Variants in SLA observed in about 807,000 individuals in gnomAD.
The protein encoded by SLA is Src like adaptor.
In SLA, 16 loss-of-function variants were observed where a neutral mutation model predicts 30.3. The ratio of observed to expected loss-of-function variants is 0.53; its 90% CI spans 0.36 to 0.80. The LOEUF is 0.80. Ranked by LOEUF, SLA falls within the 30% of genes least tolerant of loss-of-function variation. The pLI, the probability that SLA is intolerant of heterozygous loss-of-function variation, is 0.01. For synonymous variants in SLA, 143 were observed against 137.8 expected, an observed-to-expected ratio of 1.04 and a Z score of -0.26; for missense variants, 310 against 345.2, an observed-to-expected ratio of 0.90 and a Z score of 0.81.
At chr8:133,088,686 G>A (rs1847001743) in intron 1 of SLA, among the ~76,000 whole-genome samples, 1 of 152,112 alleles carries the variant, frequency 6.6e-6, no homozygotes, top group Non-Finnish European at 1.5e-5. Context: ...CATTCACTAG[G>A]CCTTCTTCAA....
chr8:133,093,408 G>A (rs4736629), intron 1 of SLA, among the ~76,000 whole-genome samples: 108,634 of 151,680 alleles, frequency 0.72, 39,312 homozygotes, highest in Non-Finnish European at 0.75. Context: ...TGGAGATCAC[G>A]TAGCCCAGGA....
Sources: gnomAD v4.1 joint callset for allele counts (sites outside exome capture counted in the v4.1 genomes callset) on GRCh38, gnomAD v4.1.1 for gene constraint, MANE v1.5 for transcripts, NCBI Gene and HGNC (gene_info 2026-07-23, HGNC 2026-07-21) for gene names.